The following PSMC2 variants were observed in gnomAD, a reference collection of about 807,000 sequenced individuals.
The protein encoded by PSMC2 is proteasome 26S subunit, ATPase 2.
A neutral mutation model predicts 53.3 loss-of-function variants in PSMC2; 7 were observed. The observed-to-expected ratio is 0.13, with a 90% CI of 0.07 to 0.25. The LOEUF is 0.25. PSMC2 is among the 10% of genes least tolerant of loss of function. The probability of loss-of-function intolerance (pLI) is 1.00; values close to 1 mark genes in which losing one functional copy is unlikely to be tolerated. For synonymous variants in PSMC2, 169 were observed against 183.9 expected, an observed-to-expected ratio of 0.92 and a Z score of 0.66; for missense variants, 241 against 544.0, an observed-to-expected ratio of 0.44 and a Z score of 5.54.
intron 3 of PSMC2, 116 bp downstream of exon 3, chr7:103,355,065 C>A (rs1819955078): frequency 1.4e-6 from 1 of 728,612 alleles, no homozygotes; most frequent in Non-Finnish European, 2.3e-6. Flanking sequence ...AATCATTATT[C>A]TTCCTTTCTG....
chr7:103,347,582 G>GA, upstream of PSMC2: 2 of 1,030,466 alleles, frequency 1.9e-6, no homozygotes, highest in Non-Finnish European at 3.0e-6. Context: ...TCCGGACTCT[G>GA]AAGCACTGCA....
rs1586165615 is a variant in PSMC2, at chr7:103,362,585, C to G, written c.423-101C>G. On this transcript the variant is annotated intron_variant, in intron 5 of 11. Coordinates refer to ENST00000292644, the MANE Select transcript of PSMC2 (RefSeq NM_002803.4). The stretch of plus-strand genomic sequence containing the variant: ...ATATAATTAGGGACTCTGTCTCTCT[C>G]TTGTTTTCTTAAAGTATGGTTTTGG... 2.8e-5 allele frequency: 41 copies of G among 1,446,410 alleles called. No individual in the cohort carries two copies. In the East Asian group the frequency reaches 9.5e-4, roughly 34 times the overall value. The allele number at this position is 1,446,410 out of a possible 1,614,324, so 89.6% of individuals were successfully genotyped here. A position where few individuals can be genotyped will look rare whatever the true frequency, so the allele number is the denominator to read the frequency against.
chr7:103,348,315 C>A (rs761320257), intron 1 of PSMC2, among the ~76,000 whole-genome samples: 6 of 152,186 alleles, frequency 3.9e-5, no homozygotes, highest in Admixed American at 3.9e-4. Flanking sequence ...TTTTGCATAT[C>A]TTTTTAGACA....
Position 103,368,007 on chromosome 7 carries a change from T to A in PSMC2, c.1255T>A (p.Ser419Thr). The A allele has an allele frequency of 6.2e-7, 1 of 1,613,876 alleles. No individual in the cohort carries two copies. Among genetic ancestry groups the A allele is most frequent in the Non-Finnish European group, 8.5e-7 (1 of 1,179,910 alleles). ...FLEAVNKVIK[S>T]YAKFSATPRY... is the part of the protein sequence containing the mutation. The stretch of plus-strand genomic sequence containing the variant: ...GGAAGCTGTAAATAAGGTCATTAAG[T>A]CTTATGCCAAATTCAGTGCTACTCC... The change falls in exon 12 of 12, where the codon TCT becomes ACT. Residue 419 changes from serine (S) to threonine (T), a missense_variant. Physicochemically the swap from Ser to Thr is moderately conservative, Grantham distance 58 (BLOSUM62 1). This residue lies in a region of PSMC2 where 60 missense variants were observed against 115.8 expected (regional missense o/e 0.52). Transcript: ENST00000292644.
intron 4 of PSMC2, 80 bp downstream of exon 4, chr7:103,355,873 A>G: frequency 2.1e-6 from 2 of 935,600 alleles, no homozygotes; most frequent in East Asian, 2.5e-5. Context: ...GGATAATGCA[A>G]TAGTTCATAA....
chr7:103,353,509 G>A (rs1046219318), intron 1 of PSMC2, among the ~76,000 whole-genome samples: 2 of 152,158 alleles, frequency 1.3e-5, no homozygotes, highest in South Asian at 2.1e-4. Flanking sequence ...GTTTCGCCAG[G>A]TTGGCTAGGC....
chr7:103,359,742 A>G (rs1586156971), intron 4 of PSMC2, among the ~76,000 whole-genome samples: 1 of 152,240 alleles, frequency 6.6e-6, no homozygotes, highest in Admixed American at 6.5e-5. Context: ...CTCTTTAGAT[A>G]TGGTTTCCTT....
At chr7:103,359,652 T>A (rs10249921) in intron 4 of PSMC2, among the ~76,000 whole-genome samples, 9,173 of 152,310 alleles carry the variant, frequency 0.06, 402 homozygotes, top group African/African-American at 0.12. Flanking sequence ...TGGAACTTTT[T>A]ATGGCCAAAT....
At chr7:103,358,455 C>A (rs1820169196) in intron 4 of PSMC2, among the ~76,000 whole-genome samples, 1 of 152,106 alleles carries the variant, frequency 6.6e-6, no homozygotes, top group South Asian at 2.1e-4. Context: ...GATATGGGGC[C>A]TCCAGGATTG....
intron 1 of PSMC2, among the ~76,000 whole-genome samples, chr7:103,348,119 C>T (rs528983580): frequency 6.6e-6 from 1 of 152,284 alleles, no homozygotes; most frequent in Admixed American, 6.5e-5. Flanking sequence ...CTCCTTCCCC[C>T]TGTGACAGCC....
chr7:103,352,806 C>A, intron 1 of PSMC2: 1 of 779,994 alleles, frequency 1.3e-6, no homozygotes, highest in South Asian at 1.3e-5. Context: ...TGAGGTCACC[C>A]CACTAACAGA....
intron 9 of PSMC2, among the ~76,000 whole-genome samples, chr7:103,366,923 G>C (rs1820748581): frequency 6.6e-6 from 1 of 152,074 alleles, no homozygotes; most frequent in African/African-American, 2.4e-5. Context: ...TCATGTCTCA[G>C]CCTCCTGAGT....
At chr7:103,348,364 CTT>C (rs538337346) in intron 1 of PSMC2, among the ~76,000 whole-genome samples, 1 of 151,884 alleles carries the variant, frequency 6.6e-6, no homozygotes, top group Non-Finnish European at 1.5e-5. Context: ...TTATCTATTC[CTT>C]TTTTTTAACA....
intron 4 of PSMC2, 105 bp from the exon 5 acceptor site, chr7:103,361,852 C>G (rs954945689): frequency 3.3e-5 from 37 of 1,110,414 alleles, no homozygotes; most frequent in Non-Finnish European, 4.5e-5. Context: ...TTCTGTAGTT[C>G]TAGTTTATAC....
Position 103,355,777 on chromosome 7 carries a change from C to A in PSMC2, c.274C>A (p.Pro92Thr). The A allele has an allele frequency of 6.2e-7, 1 of 1,613,466 alleles. No homozygotes were observed. Among genetic ancestry groups the A allele is most frequent in the Non-Finnish European group, 8.5e-7 (1 of 1,179,570 alleles). The change falls in exon 4 of 12, where the codon CCT becomes ACT. Residue 92 changes from proline (P) to threonine (T), a missense_variant. By Grantham distance (38) the Pro-to-Thr change is conservative. Coordinates refer to ENST00000292644, the MANE Select transcript of PSMC2 (RefSeq NM_002803.4). ...TAAGCAGACACTCCAGAGTGAACAG[C>A]CTTTACAGGTTGCCAGGTATGCACG... ...ADKQTLQSEQ[P>T]LQVARCTKII...
At position 103,364,301 on chromosome 7, in the gene PSMC2, C is replaced by A; in HGVS notation, c.750C>A (p.Val250=). 1 of 1,613,634 alleles carries A rather than the reference C, an allele frequency of 6.2e-7. No homozygotes were observed. ...GATCTGAGCTTGTACAGAAATACGTCGGTGAGGTAAAGTAAATTTATCAAA... is the reference window on the plus strand; with the variant it reads ...GATCTGAGCTTGTACAGAAATACGTAGGTGAGGTAAAGTAAATTTATCAAA... ...VIGSELVQKY[V]GEGARMVREL... is the part of the protein sequence containing the mutation. The change falls in exon 8 of 12, where the codon GTC becomes GTA. Residue 250 remains valine, a synonymous_variant. Transcript: ENST00000292644.
rs536853178 is a variant in PSMC2, at chr7:103,366,807, CT to C, written c.845-596del. Among the ~76,000 whole-genome samples the C allele has an allele frequency of 2.6e-4, 39 of 148,554 alleles. 1 individual carries two copies. Among genetic ancestry groups the C allele is most frequent in the Admixed American group, 2.1e-3 (31 of 14,852 alleles). On this transcript the variant is annotated intron_variant, in intron 9 of 11. Transcript: ENST00000292644. ...TACAGTATTAGCCATGAAATCTAGA[CT>C]TTTTTTTTTGTTTTAAGAAACAGTC... is the stretch of plus-strand genomic sequence containing the variant.
intron 4 of PSMC2, among the ~76,000 whole-genome samples, chr7:103,357,897 T>C (rs1820134134): frequency 6.6e-6 from 1 of 152,218 alleles, no homozygotes; most frequent in South Asian, 2.1e-4. Flanking sequence ...CTTAGTTGCA[T>C]CTGGTGTTCT....
At chr7:103,359,149 T>C (rs1820222151) in intron 4 of PSMC2, among the ~76,000 whole-genome samples, 1 of 110,534 alleles carries the variant, frequency 9.0e-6, no homozygotes, top group African/African-American at 3.5e-5. Context: ...TTTTTTTTTT[T>C]TTTTTTTTTT....
Sources: allele counts gnomAD v4.1 joint callset (sites outside exome capture counted in the v4.1 genomes callset), GRCh38; gene constraint gnomAD v4.1.1; regional missense constraint gnomAD v4.1.1; transcripts MANE v1.5; gene names NCBI Gene and HGNC (gene_info 2026-07-23, HGNC 2026-07-21).